COP1: variants seen among roughly 807,000 people sequenced by gnomAD.
COP1 encodes COP1 E3 ubiquitin ligase, also known as E3 ubiquitin-protein ligase COP1.
Under a neutral mutation model 101.3 loss-of-function variants are expected in COP1, and 24 were observed. The ratio of observed to expected loss-of-function variants is 0.24; its 90% CI spans 0.17 to 0.33. The LOEUF (loss-of-function observed/expected upper bound fraction) is 0.33, where lower values mean the gene tolerates loss of function less well. Among genes scored for constraint, COP1 ranks in the 10% least tolerant of loss-of-function variants. COP1 has a pLI of 1.00. For synonymous variants in COP1, 347 were observed against 341.9 expected (o/e 1.01, Z -0.17); for missense variants, 663 against 906.2 (o/e 0.73, Z 3.45).
At chr1:175,981,177 A>C (rs901944962) in intron 18 of COP1, among the ~76,000 whole-genome samples, 5 of 152,140 alleles carry the variant, frequency 3.3e-5, no homozygotes, top group African/African-American at 1.2e-4. Flanking sequence ...TTGCTGATTG[A>C]AAATTTTTCA....
At chr1:175,996,217 TCA>T (rs1437331372) in intron 15 of COP1, among the ~76,000 whole-genome samples, 1 of 152,146 alleles carries the variant, frequency 6.6e-6, no homozygotes, top group Non-Finnish European at 1.5e-5. Context: ...CTAAAAACTC[TCA>T]ATAAATTAGG....
chr1:175,966,861 GT>G (rs1652120743), intron 18 of COP1, among the ~76,000 whole-genome samples: 1 of 152,160 alleles, frequency 6.6e-6, no homozygotes, highest in Non-Finnish European at 1.5e-5. Flanking sequence ...GTGGTAAAGA[GT>G]GTTCCAAAGT....
At chr1:176,080,792 C>T (rs991449701) in intron 11 of COP1, among the ~76,000 whole-genome samples, 1 of 152,118 alleles carries the variant, frequency 6.6e-6, no homozygotes, top group South Asian at 2.1e-4. Context: ...TTTCTGGAAG[C>T]TTCACTGGCA....
At chr1:176,064,729 C>T (rs956283693) in intron 11 of COP1, among the ~76,000 whole-genome samples, 2 of 152,068 alleles carry the variant, frequency 1.3e-5, no homozygotes, top group African/African-American at 4.8e-5. Context: ...TCATGGCTCA[C>T]TGCAGCCTCG....
intron 18 of COP1, among the ~76,000 whole-genome samples, chr1:175,965,820 G>A (rs1345005744): frequency 6.6e-6 from 1 of 152,030 alleles, no homozygotes; most frequent in Non-Finnish European, 1.5e-5. Flanking sequence ...CTGACCTCGT[G>A]ACCCACCCGC....
At chr1:176,159,378 T>G (rs1001922902) in intron 5 of COP1, among the ~76,000 whole-genome samples, 4 of 152,172 alleles carry the variant, frequency 2.6e-5, no homozygotes, top group Non-Finnish European at 5.9e-5. Context: ...ATTTGATACT[T>G]ATCAGACTGG....
At chr1:176,063,561 A>G (rs1675364289) in intron 11 of COP1, among the ~76,000 whole-genome samples, 1 of 152,204 alleles carries the variant, frequency 6.6e-6, no homozygotes. Flanking sequence ...TTATAACTCC[A>G]CAAGTTATCC....
chr1:175,981,325 A>ATCTC (rs1655814666), intron 18 of COP1, among the ~76,000 whole-genome samples: 1 of 152,046 alleles, frequency 6.6e-6, no homozygotes, highest in Non-Finnish European at 1.5e-5. Flanking sequence ...TTTCATTGAG[A>ATCTC]AGTTGGCTGT....
intron 15 of COP1, among the ~76,000 whole-genome samples, chr1:176,011,543 T>G (rs1664675155): frequency 6.6e-6 from 1 of 152,180 alleles, no homozygotes; most frequent in Admixed American, 6.5e-5. Flanking sequence ...AACCAGAGAG[T>G]ATGCTTATCA....
chr1:176,202,995 T>C (rs1399036578), intron 1 of COP1, among the ~76,000 whole-genome samples: 3 of 152,132 alleles, frequency 2.0e-5, no homozygotes, highest in African/African-American at 4.8e-5. Context: ...GAATGGTAGA[T>C]CTATTTAATG....
intron 9 of COP1, among the ~76,000 whole-genome samples, chr1:176,091,533 T>A (rs1338110873): frequency 6.6e-6 from 1 of 152,084 alleles, no homozygotes; most frequent in Non-Finnish European, 1.5e-5. Context: ...AGACAAAAAA[T>A]TATCCAAGTA....
intron 9 of COP1, among the ~76,000 whole-genome samples, chr1:176,097,167 CAAGTTG>C (rs1682543640): frequency 6.6e-6 from 1 of 151,616 alleles, no homozygotes; most frequent in Admixed American, 6.6e-5. Flanking sequence ...AGTAGATATC[CAAGTTG>C]TAGGCATAGG....
chr1:176,099,505 G>GTCTGTCTCTC (rs1262159943), intron 9 of COP1, among the ~76,000 whole-genome samples: 1 of 143,790 alleles, frequency 7.0e-6, no homozygotes, highest in African/African-American at 2.6e-5. Context: ...GAGCATATTT[G>GTCTGTCTCTC]TCTCTCTCTC....
intron 9 of COP1, among the ~76,000 whole-genome samples, chr1:176,086,839 C>T (rs1275392313): frequency 6.6e-6 from 1 of 152,164 alleles, no homozygotes; most frequent in Non-Finnish European, 1.5e-5. Flanking sequence ...GGAGGCATCA[C>T]ACTACCTGAC....
chr1:176,206,524 C>G, intron 1 of COP1, 48 bp downstream of exon 1: 8 of 1,587,272 alleles, frequency 5.0e-6, no homozygotes, highest in Non-Finnish European at 6.8e-6. Flanking sequence ...GCCTAAGCGG[C>G]AGAAACTCAT....
At chr1:176,205,989 T>C (rs1700802989) in intron 1 of COP1, among the ~76,000 whole-genome samples, 1 of 152,212 alleles carries the variant, frequency 6.6e-6, no homozygotes, top group Non-Finnish European at 1.5e-5. Context: ...TGGCCCATCC[T>C]TTGAAATGGA....
Position 176,206,619 on chromosome 1 carries a change from G to A in COP1, c.360C>T (p.Cys120=). The stretch of plus-strand genomic sequence containing the variant: ...CCTCGTAGGAGTTGATGAGCCCGTT[G>A]CAGAGGGGGGCGAGGAGAGGTCGCT... The part of the protein sequence containing the change: ...SRKRPLLAPL[C]NGLINSYEDK... Residue 120 remains cysteine (C), a synonymous_variant, in exon 1 of 20, where the codon TGC becomes TGT. Coordinates refer to ENST00000367669, the MANE Select transcript of COP1 (RefSeq NM_022457.7). The A allele has an allele frequency of 6.2e-7, 1 of 1,612,152 alleles. No individual in the cohort carries two copies. The highest frequency in any genetic ancestry group is 8.5e-7 in the Non-Finnish European group (1 of 1,179,998).
intron 18 of COP1, among the ~76,000 whole-genome samples, chr1:175,966,822 A>G (rs1346045963): frequency 6.6e-6 from 1 of 152,204 alleles, no homozygotes; most frequent in East Asian, 1.9e-4. Context: ...TAATATCAAC[A>G]GAGGAAAAGG....
At chr1:176,125,134 T>G (rs367863130) in intron 8 of COP1, among the ~76,000 whole-genome samples, 3 of 152,148 alleles carry the variant, frequency 2.0e-5, no homozygotes, top group African/African-American at 7.2e-5. Flanking sequence ...TTTTCTAAGC[T>G]CCTCGTATAT....
Sources: allele counts gnomAD v4.1 joint callset (sites outside exome capture counted in the v4.1 genomes callset), GRCh38; gene constraint gnomAD v4.1.1; transcripts MANE v1.5; gene names NCBI Gene and HGNC (gene_info 2026-07-23, HGNC 2026-07-21).